PIK3R3: variants seen among roughly 807,000 people sequenced by gnomAD.
The protein encoded by PIK3R3 is phosphatidylinositol 3-kinase regulatory subunit gamma.
A neutral mutation model predicts 62.9 loss-of-function variants in PIK3R3; 64 were observed. The ratio of observed to expected loss-of-function variants is 1.02; its 90% CI spans 0.83 to 1.25. PIK3R3 has a LOEUF of 1.25. Ranked by LOEUF, PIK3R3 falls within the 50% of genes most tolerant of loss-of-function variation. The pLI is 0.00. For missense variants in PIK3R3, 614 were observed against 561.6 expected, an observed-to-expected ratio of 1.09 and a Z score of -0.94; for synonymous variants, 165 against 189.0, an observed-to-expected ratio of 0.87 and a Z score of 1.04.
chr1:46,083,006 G>A (rs1307105617), intron 1 of PIK3R3, among the ~76,000 whole-genome samples: 1 of 152,162 alleles, frequency 6.6e-6, no homozygotes, highest in Non-Finnish European at 1.5e-5. Flanking sequence ...TAGAACCCGG[G>A]AGGCAGAGGT....
Position 46,043,451 on chromosome 1 carries a change from C to G in PIK3R3, c.*222G>C, listed in dbSNP as rs1038528633. 1.8e-6 allele frequency: 1 copy of G among 548,742 alleles called. No individual in the cohort carries two copies. Among genetic ancestry groups the G allele is most frequent in the Admixed American group, 3.1e-5 (1 of 31,950 alleles). 34.0% of individuals were successfully genotyped at this position (548,742 alleles called of 1,614,324 possible). The stretch of plus-strand genomic sequence containing the variant: ...AGACTTTCAAAAAAAACATCTGCTT[C>G]CAGCTTAGTATGTCAGTGCAGCGGC... On this transcript the variant is annotated 3_prime_UTR_variant, in exon 10 of 10. Transcript: ENST00000262741.
chr1:46,145,582 A>G, the PIK3R3 span, among the ~76,000 whole-genome samples: 249 of 152,200 alleles, frequency 1.6e-3, 2 homozygotes, highest in Non-Finnish European at 3.0e-3. Flanking sequence ...ATCTATTCCC[A>G]TGAATTCAAG....
chr1:46,132,922 G>C, upstream of PIK3R3: 2 of 1,167,316 alleles, frequency 1.7e-6, no homozygotes, highest in Non-Finnish European at 2.2e-6. Flanking sequence ...AGAATGGTAC[G>C]ATCCGGGCGC....
At chr1:46,130,621 A>G (rs1261288748) in intron 1 of PIK3R3, among the ~76,000 whole-genome samples, 1 of 152,164 alleles carries the variant, frequency 6.6e-6, no homozygotes, top group Non-Finnish European at 1.5e-5. Context: ...ATTTCTACAT[A>G]CCTTCTATAA....
At chr1:46,081,690 T>C (rs1410578295) in intron 1 of PIK3R3, among the ~76,000 whole-genome samples, 1 of 152,094 alleles carries the variant, frequency 6.6e-6, no homozygotes, top group Non-Finnish European at 1.5e-5. Context: ...CACCCCAATA[T>C]GTACACTGAG....
chr1:46,126,523 GT>G (rs1655106533), intron 1 of PIK3R3, among the ~76,000 whole-genome samples: 1 of 150,118 alleles, frequency 6.7e-6, no homozygotes, highest in African/African-American at 2.5e-5. Flanking sequence ...GGGCAAAAGA[GT>G]GAGACCCTGT....
At chr1:46,171,009 G>A in the PIK3R3 span, among the ~76,000 whole-genome samples, 1 of 152,202 alleles carries the variant, frequency 6.6e-6, no homozygotes, top group Non-Finnish European at 1.5e-5. Context: ...CATGAATCTA[G>A]AATTTCATGA....
the PIK3R3 span, among the ~76,000 whole-genome samples, chr1:46,159,959 C>A: frequency 6.6e-6 from 1 of 152,138 alleles, no homozygotes; most frequent in Admixed American, 6.6e-5. Flanking sequence ...CCCAGATTCT[C>A]AAAAGCAAAA....
intron 6 of PIK3R3, among the ~76,000 whole-genome samples, chr1:46,058,653 G>A (rs1648176051): frequency 6.6e-6 from 1 of 152,324 alleles, no homozygotes; most frequent in South Asian, 2.1e-4. Context: ...AGACTTGCAT[G>A]GACCCTGTAG....
At chr1:46,056,704 A>T (rs549998818) in intron 6 of PIK3R3, 1 of 152,380 alleles carries the variant, frequency 6.6e-6, no homozygotes, top group East Asian at 1.9e-4. Context: ...CTATACTGTC[A>T]CTTCACCGGC....
At chr1:46,107,631 T>C (rs1653344610) in intron 1 of PIK3R3, among the ~76,000 whole-genome samples, 1 of 152,116 alleles carries the variant, frequency 6.6e-6, no homozygotes, top group Non-Finnish European at 1.5e-5. Flanking sequence ...AAAAAGACCA[T>C]CCTACCTATC....
intron 1 of PIK3R3, among the ~76,000 whole-genome samples, chr1:46,110,081 CCTAT>C (rs1181934233): frequency 6.6e-6 from 1 of 151,796 alleles, no homozygotes; most frequent in Non-Finnish European, 1.5e-5. Flanking sequence ...AATGCCCATC[CCTAT>C]CTCTTTTACC....
rs1421594249 is a variant in PIK3R3, at chr1:46,066,075, T to C, written c.600A>G (p.Glu200=). Residue 200 remains glutamate (E), a synonymous_variant, in exon 5 of 10, where the codon GAA becomes GAG. Coordinates refer to ENST00000262741, the MANE Select transcript of PIK3R3 (RefSeq NM_003629.4). ...CAACCTGGGATGTTCTAGTATATTC[T>C]TCATACAGCCTATCATACTCTTTAC... ...EKSKEYDRLY[E]EYTRTSQEIQ... 1 of 1,609,120 alleles carries C rather than the reference T, an allele frequency of 6.2e-7. No individual in the cohort carries two copies. Among genetic ancestry groups the C allele is most frequent in the Non-Finnish European group, 8.5e-7 (1 of 1,175,872 alleles).
At chr1:46,162,110 A>G in the PIK3R3 span, among the ~76,000 whole-genome samples, 1 of 150,482 alleles carries the variant, frequency 6.6e-6, no homozygotes, top group East Asian at 2.0e-4. Flanking sequence ...AAAAAAAAAG[A>G]TTTTCTTCAT....
the PIK3R3 span, among the ~76,000 whole-genome samples, chr1:46,139,535 G>A: frequency 6.6e-6 from 1 of 152,134 alleles, no homozygotes; most frequent in African/African-American, 2.4e-5. Flanking sequence ...TTGAACTCCT[G>A]ACCTCAGGGG....
chr1:46,054,986 T>C (rs1233057010), intron 7 of PIK3R3, among the ~76,000 whole-genome samples: 3 of 152,108 alleles, frequency 2.0e-5, no homozygotes, highest in Non-Finnish European at 2.9e-5. Context: ...CACTGCAACC[T>C]CTGCCTCCCA....
At chr1:46,049,325 T>G (rs1469121020) in intron 7 of PIK3R3, among the ~76,000 whole-genome samples, 33 of 152,216 alleles carry the variant, frequency 2.2e-4, no homozygotes. Flanking sequence ...TACCACACTT[T>G]AAGAAGAGAG....
the PIK3R3 span, among the ~76,000 whole-genome samples, chr1:46,160,307 T>C: frequency 2.0e-5 from 3 of 152,206 alleles, no homozygotes; most frequent in Non-Finnish European, 4.4e-5. Context: ...TACATGTAGG[T>C]CTGTGTATAA....
chr1:46,055,666 A>G (rs1647817168), intron 7 of PIK3R3, 129 bp downstream of exon 7: 1 of 671,152 alleles, frequency 1.5e-6, no homozygotes, highest in Non-Finnish European at 2.5e-6. Flanking sequence ...ACTTTCCTAA[A>G]TTCTTACCAT....
Sources: gnomAD v4.1 joint callset for allele counts (sites outside exome capture counted in the v4.1 genomes callset) on GRCh38, gnomAD v4.1.1 for gene constraint, MANE v1.5 for transcripts, NCBI Gene and HGNC (gene_info 2026-07-23, HGNC 2026-07-21) for gene names.